KRT15: variants seen among roughly 807,000 people sequenced by gnomAD.
KRT15 encodes keratin, type I cytoskeletal 15.
In KRT15, 45 loss-of-function variants were observed where a neutral mutation model predicts 46.6. The observed-to-expected ratio is 0.97, with a 90% CI of 0.76 to 1.24. The LOEUF (loss-of-function observed/expected upper bound fraction) is 1.24, where lower values mean the gene tolerates loss of function less well. KRT15 is among the 50% of genes most tolerant of loss of function. KRT15 has a pLI of 0.00. For missense variants in KRT15, 592 were observed against 588.9 expected (o/e 1.01, Z -0.05); for synonymous variants, 221 against 233.8 (o/e 0.95, Z 0.50).
In KRT15 at chr17:41,517,150, T is replaced by C; in HGVS notation, c.514A>G (p.Ile172Val). 2 of 1,614,128 alleles carry C rather than the reference T, an allele frequency of 1.2e-6. No individual in the cohort carries two copies. The highest frequency in any genetic ancestry group is 1.7e-6 in the Non-Finnish European group (2 of 1,180,026). ...TCCAGGATGACCCGGGAGTTGTCGATGGTGGTGGCCATGATCTGCAGGAGA... is the reference window on the plus strand; with the variant it reads ...TCCAGGATGACCCGGGAGTTGTCGACGGTGGTGGCCATGATCTGCAGGAGA... ...ELRDKIMATTIDNSRVILEID... is the reference protein window; with the variant it reads ...ELRDKIMATTVDNSRVILEID... The change falls in exon 2 of 8, where the codon ATC becomes GTC. Residue 172 changes from isoleucine to valine, a missense_variant. Physicochemically the swap from Ile to Val is conservative, Grantham distance 29. Coordinates refer to ENST00000254043, the MANE Select transcript of KRT15 (RefSeq NM_002275.4).
rs1468870713 is a variant in KRT15, at chr17:41,518,801, A to G, written c.27T>C (p.Ser9=). The G allele has an allele frequency of 1.0e-5, 16 of 1,539,686 alleles. No homozygotes were observed. Among genetic ancestry groups the G allele is most frequent in the Non-Finnish European group, 1.4e-5 (16 of 1,148,952 alleles). MTTTFLQT[S]SSTFGGGSTR... ...TTGAGCCACCCCCAAAGGTGGAGGA[A>G]GAAGTTTGCAGAAATGTGGTGGTCA... The change falls in exon 1 of 8, where the codon TCT becomes TCC. Residue 9 remains serine, a synonymous_variant. Transcript: ENST00000254043.
Position 41,515,886 on chromosome 17 carries a change from A to T in KRT15, c.1025T>A (p.Met342Lys). Residue 342 changes from methionine (M) to lysine (K), a missense_variant and splice_region_variant, in exon 5 of 8, where the codon ATG becomes AAG. Coordinates refer to ENST00000254043, the MANE Select transcript of KRT15 (RefSeq NM_002275.4). ...LEIELQSQLSMKAGLENSLAE... is the reference protein window; with the variant it reads ...LEIELQSQLSKKAGLENSLAE... ...GGGATGGGGCGCGAGTGGCCGTACC[A>T]TGCTGAGCTGGGACTGCAGCTCGAT... is the stretch of plus-strand genomic sequence containing the variant. 1 of 1,613,934 alleles carries T rather than the reference A, an allele frequency of 6.2e-7. No homozygotes were observed. Among genetic ancestry groups the T allele is most frequent in the Non-Finnish European group, 8.5e-7 (1 of 1,179,912 alleles).
In KRT15 at chr17:41,515,881, G is replaced by C. The variant is rs763011844; in HGVS notation, c.1026+4C>G. On this transcript the variant is annotated splice_donor_region_variant and intron_variant, in intron 5 of 7. Transcript: ENST00000254043. Reference sequence around the variant, plus strand: ...AGGCTGGGATGGGGCGCGAGTGGCCGTACCATGCTGAGCTGGGACTGCAGC... The same window carrying C: ...AGGCTGGGATGGGGCGCGAGTGGCCCTACCATGCTGAGCTGGGACTGCAGC... 3 of 1,613,954 alleles carry C rather than the reference G, an allele frequency of 1.9e-6. No individual in the cohort carries two copies. The highest frequency in any genetic ancestry group is 2.5e-6 in the Non-Finnish European group (3 of 1,179,900).
In KRT15 at chr17:41,515,008, A is replaced by G. The variant is rs539555836; in HGVS notation, c.1248-334T>C. 1.1e-4 allele frequency: 32 copies of G among 294,046 alleles called. No individual in the cohort carries two copies. The South Asian group carries it at 1.6e-3, about 15-fold the overall frequency. 18.2% of individuals were successfully genotyped at this position (294,046 alleles called of 1,614,324 possible). On this transcript the variant is annotated intron_variant, in intron 6 of 7. Coordinates refer to ENST00000254043, the MANE Select transcript of KRT15 (RefSeq NM_002275.4). ...CAGCCTCCCGAGTAGCTGGGATTACAGGCACCCGCCACCACGCCCAGCTAA... is the reference window on the plus strand; with the variant it reads ...CAGCCTCCCGAGTAGCTGGGATTACGGGCACCCGCCACCACGCCCAGCTAA...
In KRT15 at chr17:41,518,837, G is replaced by C; in HGVS notation, c.-10C>G. 1 of 1,530,522 alleles carries C rather than the reference G, an allele frequency of 6.5e-7. No homozygotes were observed. 94.8% of individuals were successfully genotyped at this position (1,530,522 alleles called of 1,614,324 possible). A position where few individuals can be genotyped will look rare whatever the true frequency, so the allele number is the denominator to read the frequency against. ...GAAATGTGGTGGTCATGGCCAGGTA[G>C]CTGGAGCCCGTGAGTTCTCAGCAAA... On this transcript the variant is annotated 5_prime_UTR_variant, in exon 1 of 8. Coordinates refer to ENST00000254043, the MANE Select transcript of KRT15 (RefSeq NM_002275.4).
At chr17:41,514,708 G>A (rs755388980) in intron 6 of KRT15, 34 bp from the exon 7 acceptor site, 2 of 1,611,994 alleles carry the variant, frequency 1.2e-6, no homozygotes, top group Non-Finnish European at 8.5e-7. Flanking sequence ...TTAAGCAAAG[G>A]GCACAAGCTC....
Position 41,514,007 on chromosome 17 carries a change from C to G in KRT15, c.*16G>C, listed in dbSNP as rs764331835. 1 of 1,591,108 alleles carries G rather than the reference C, an allele frequency of 6.3e-7. No homozygotes were observed. Among genetic ancestry groups the G allele is most frequent in the Non-Finnish European group, 8.6e-7 (1 of 1,159,338 alleles). ...GAGTGGGGAGTGGCAAGGGACGTTT[C>G]TCCTGCAATAGACACTTAGATTTCT... On this transcript the variant is annotated 3_prime_UTR_variant, in exon 8 of 8. Transcript: ENST00000254043.
rs1299707820 is a variant in KRT15, at chr17:41,516,698, T to C, written c.738+110A>G. The C allele has an allele frequency of 9.2e-6, 12 of 1,301,076 alleles. No homozygotes were observed. In the African/African-American group the frequency reaches 1.8e-4, roughly 19 times the overall value. 80.6% of individuals were successfully genotyped at this position (1,301,076 alleles called of 1,614,324 possible). On this transcript the variant is annotated intron_variant, in intron 3 of 7. Transcript: ENST00000254043. Reference sequence around the variant, plus strand: ...CCACTGACTTAATCTCGTGAAAATCTGGGAGGGCTTCCTGGAGCCACTGTC... The same window carrying C: ...CCACTGACTTAATCTCGTGAAAATCCGGGAGGGCTTCCTGGAGCCACTGTC...
rs2662 is a variant in KRT15 at position 41,513,846 on chromosome 17, G to T, written c.*177C>A. On this transcript the variant is annotated 3_prime_UTR_variant, in exon 8 of 8. Transcript: ENST00000254043. ...CATCTCCTTGCTCCAAAGAAGGTGG[G>T]GAGAGGCAGAGGGGGAATAGAGCGC... is the stretch of plus-strand genomic sequence containing the variant. 81,216 of 606,548 alleles carry T rather than the reference G, an allele frequency of 0.13. 6,500 individuals are homozygous for T. Among genetic ancestry groups the T allele is most frequent in the Middle Eastern group, 0.18 (397 of 2,244 alleles). The allele number at this position is 606,548 out of a possible 1,614,324, so 37.6% of individuals were successfully genotyped here. A position where few individuals can be genotyped will look rare whatever the true frequency, so the allele number is the denominator to read the frequency against.
intron 6 of KRT15, chr17:41,515,097 C>T: frequency 6.6e-6 from 2 of 304,708 alleles, no homozygotes; most frequent in East Asian, 1.5e-4. Context: ...GAACTCCTGA[C>T]CTCAAGTGAT....
At chr17:41,518,010 T>G (rs543309744) in intron 1 of KRT15, among the ~76,000 whole-genome samples, 1 of 152,168 alleles carries the variant, frequency 6.6e-6, no homozygotes, top group Non-Finnish European at 1.5e-5. Context: ...TCCTATCACC[T>G]TGGCCCCCCA....
intron 7 of KRT15, 45 bp downstream of exon 7, chr17:41,514,603 AC>A: frequency 1.3e-6 from 2 of 1,586,474 alleles, no homozygotes; most frequent in East Asian, 4.5e-5. Context: ...GGTGGCTTCA[AC>A]ATCTCCCCTC....
chr17:41,517,501 C>T (rs1421849858), intron 1 of KRT15: 3 of 357,486 alleles, frequency 8.4e-6, no homozygotes, highest in Non-Finnish European at 1.6e-5. Flanking sequence ...CTGACAATAG[C>T]TCTCTCAGAG....
In KRT15 at chr17:41,518,469, A is replaced by G; in HGVS notation, c.359T>C (p.Leu120Pro). ...CTCCTCCAGGGCACGTACCTTGTCC[A>G]GGTAGGAGGCCAGGCGGTCATTGAG... ...QNLNDRLASY[L>P]DKVRALEEAN... Residue 120 changes from leucine to proline, a missense_variant, in exon 1 of 8, where the codon CTG (leucine) becomes CCG (proline). Physicochemically the swap from Leu to Pro is moderately conservative, Grantham distance 98. Transcript: ENST00000254043. 2 of 1,613,996 alleles carry G rather than the reference A, an allele frequency of 1.2e-6. No individual in the cohort carries two copies. Among genetic ancestry groups the G allele is most frequent in the Non-Finnish European group, 1.7e-6 (2 of 1,179,984 alleles).
chr17:41,516,659 C>T, intron 3 of KRT15, 149 bp downstream of exon 3: 1 of 873,150 alleles, frequency 1.1e-6, no homozygotes, highest in Non-Finnish European at 1.8e-6. Flanking sequence ...GTACCAACAG[C>T]CCCACTCTGC....
At chr17:41,515,196 T>A (rs1905294571) in intron 6 of KRT15, 1 of 500,026 alleles carries the variant, frequency 2.0e-6, no homozygotes, top group Non-Finnish European at 3.6e-6. Flanking sequence ...TACCCATCTA[T>A]CTCATGCAGA....
Position 41,514,117 on chromosome 17 carries a change from G to A in KRT15, c.1277C>T (p.Ser426Phe). Reference protein sequence around the residue: ...KMAGIAIREASSGGGGSSSNF... With the variant: ...KMAGIAIREAFSGGGGSSSNF... Reference sequence around the variant, plus strand: ...GCTGCTGCTACCACCACCTCCTGAAGAGGCTAGAGAGAGAAGGAGTAGGCT... The same window carrying A: ...GCTGCTGCTACCACCACCTCCTGAAAAGGCTAGAGAGAGAAGGAGTAGGCT... The change falls in exon 8 of 8, where the codon TCT (serine) becomes TTT (phenylalanine). Residue 426 changes from serine to phenylalanine, a missense_variant. Transcript: ENST00000254043. The A allele has an allele frequency of 6.2e-7, 1 of 1,613,184 alleles. No homozygotes were observed. Among genetic ancestry groups the A allele is most frequent in the Non-Finnish European group, 8.5e-7 (1 of 1,179,128 alleles).
rs368981524 is a variant in KRT15, at chr17:41,514,609, C to A, written c.1273+40G>T. ...GAAGGGGGTGGTGGCTTCAACATCTCCCCTCCCCACCCCACACCAGAAGAG... is the reference window on the plus strand; with the variant it reads ...GAAGGGGGTGGTGGCTTCAACATCTACCCTCCCCACCCCACACCAGAAGAG... On this transcript the variant is annotated intron_variant, in intron 7 of 7. Transcript: ENST00000254043. The A allele has an allele frequency of 5.8e-5, 93 of 1,599,436 alleles. No individual in the cohort carries two copies. The African/African-American group carries it at 1.2e-3, about 20-fold the overall frequency.
chr17:41,517,943 G>A (rs1041492749), intron 1 of KRT15, among the ~76,000 whole-genome samples: 6 of 151,904 alleles, frequency 3.9e-5, no homozygotes, highest in Non-Finnish European at 4.4e-5. Context: ...CACCTAGGCC[G>A]GAGTGCAGTG....
Sources: allele counts gnomAD v4.1 joint callset (sites outside exome capture counted in the v4.1 genomes callset), GRCh38; gene constraint gnomAD v4.1.1; transcripts MANE v1.5; gene names NCBI Gene and HGNC (gene_info 2026-07-23, HGNC 2026-07-21).